MYO18B: variants seen among roughly 807,000 people sequenced by gnomAD.
MYO18B encodes the protein unconventional myosin-XVIIIb.
Under a neutral mutation model 273.0 loss-of-function variants are expected in MYO18B, and 204 were observed. The observed-to-expected ratio is 0.75, with a 90% CI of 0.67 to 0.84. The LOEUF is 0.84. Among genes scored for constraint, MYO18B ranks in the 40% least tolerant of loss-of-function variants. MYO18B has a pLI of 0.00. For synonymous variants in MYO18B, 1,330 were observed against 1,305.7 expected, an observed-to-expected ratio of 1.02 and a Z score of -0.40; for missense variants, 3,212 against 3,287.6, an observed-to-expected ratio of 0.98 and a Z score of 0.56.
chr22:25,777,619 A>G lies in MYO18B; in HGVS notation c.1906A>G (p.Ile636Val), dbSNP rs766483254. ...CCGCCGGGATGGCCTGCCTGCCCAC[A>G]TTGGCTCCATGGCACAGCGGGCATA... ...KGRRDGLPAH[I>V]GSMAQRAYWA... Residue 636 changes from isoleucine to valine, a missense_variant, in exon 8 of 44, where the codon ATT becomes GTT. Coordinates refer to ENST00000335473, the MANE Select transcript of MYO18B (RefSeq NM_032608.7). 8.7e-6 allele frequency: 14 copies of G among 1,606,580 alleles called. No individual in the cohort carries two copies. Among genetic ancestry groups the G allele is most frequent in the African/African-American group, 1.3e-5 (1 of 74,688 alleles).
chr22:25,911,140 C>T, intron 33 of MYO18B, 90 bp downstream of exon 33: 1 of 934,644 alleles, frequency 1.1e-6, no homozygotes, highest in African/African-American at 1.6e-5. Context: ...CTGAGGGATA[C>T]CCTCTCCTCC....
At chr22:26,003,401 T>G (rs889552455) in intron 41 of MYO18B, 92 bp downstream of exon 41, 7 of 1,121,916 alleles carry the variant, frequency 6.2e-6, no homozygotes, top group Admixed American at 5.9e-5. Context: ...CATGTCCACT[T>G]GGAGAATTAT....
chr22:25,981,576 C>A (rs1318584763), intron 39 of MYO18B, among the ~76,000 whole-genome samples: 1 of 152,050 alleles, frequency 6.6e-6, no homozygotes, highest in Non-Finnish European at 1.5e-5. Flanking sequence ...CCCATCTCTA[C>A]AAAAATAAAA....
In MYO18B at chr22:25,903,686, A is replaced by G; in HGVS notation, c.5003A>G (p.His1668Arg). ...LKQQVEMLQDHKRELLGSPSL... is the reference protein window; with the variant it reads ...LKQQVEMLQDRKRELLGSPSL... ...CAGCAGGTGGAGATGCTACAGGACC[A>G]TAAACGGGAGCTGCTGGGGTCACCC... Residue 1668 changes from histidine (H) to arginine (R), a missense_variant, in exon 31 of 44, where the codon CAT becomes CGT. Physicochemically the swap from His to Arg is conservative, Grantham distance 29 (BLOSUM62 0). Transcript: ENST00000335473. The G allele has an allele frequency of 1.2e-6, 2 of 1,610,134 alleles. No homozygotes were observed. The highest frequency in any genetic ancestry group is 1.7e-6 in the Non-Finnish European group (2 of 1,178,246).
At chr22:25,814,489 C>G (rs2088916955) in intron 12 of MYO18B, among the ~76,000 whole-genome samples, 1 of 151,796 alleles carries the variant, frequency 6.6e-6, no homozygotes, top group African/African-American at 2.4e-5. Flanking sequence ...TTGGCTACTT[C>G]AACAATCTCA....
At chr22:25,757,230 AT>A (rs2086151617) in intron 1 of MYO18B, among the ~76,000 whole-genome samples, 1 of 152,218 alleles carries the variant, frequency 6.6e-6, no homozygotes, top group South Asian at 2.1e-4. Flanking sequence ...ATAAAAATTC[AT>A]AGCAGTTTTA....
chr22:25,855,523 G>T (rs946551082), intron 21 of MYO18B, among the ~76,000 whole-genome samples: 4 of 152,026 alleles, frequency 2.6e-5, no homozygotes, highest in African/African-American at 9.7e-5. Context: ...CTCGTGATCC[G>T]CCCACCTCGG....
At chr22:26,022,876 A>G (rs542808850) in intron 42 of MYO18B, among the ~76,000 whole-genome samples, 1 of 152,322 alleles carries the variant, frequency 6.6e-6, no homozygotes, top group East Asian at 1.9e-4. Flanking sequence ...GCCCTGTGCC[A>G]GCATAGCTGG....
intron 29 of MYO18B, 194 bp downstream of exon 29, chr22:25,898,655 C>T: frequency 1.7e-6 from 1 of 598,342 alleles, no homozygotes; most frequent in Non-Finnish European, 2.8e-6. Context: ...ATTCTTTTCT[C>T]TTAGCCAGCC....
chr22:25,925,613 T>C (rs1247021754), intron 34 of MYO18B, among the ~76,000 whole-genome samples: 1 of 151,978 alleles, frequency 6.6e-6, no homozygotes, highest in African/African-American at 2.4e-5. Flanking sequence ...CTTCAGAAAC[T>C]TGAGCAGGTG....
At chr22:25,786,492 CA>C (rs35847281) in intron 11 of MYO18B, among the ~76,000 whole-genome samples, 3,148 of 142,218 alleles carry the variant, frequency 0.022, 95 homozygotes, top group African/African-American at 0.063. Context: ...TATCCTGGTG[CA>C]AAAAAAAAAA....
At chr22:25,945,030 G>A (rs1392052338) in intron 34 of MYO18B, among the ~76,000 whole-genome samples, 2 of 152,152 alleles carry the variant, frequency 1.3e-5, no homozygotes, top group Non-Finnish European at 2.9e-5. Context: ...GAGGCCTACT[G>A]TGTGCAGCTG....
Position 25,947,535 on chromosome 22 carries a change from CACACACA to C in MYO18B, c.5632-176_5632-170del, listed in dbSNP as rs1569223372. On this transcript the variant is annotated intron_variant, in intron 35 of 43. Coordinates refer to ENST00000335473, the MANE Select transcript of MYO18B (RefSeq NM_032608.7). ...ACACACACACACACACACACACACA[CACACACA>C]CCAAGCTGTTATACCTACCACATGC... 2.5e-3 allele frequency among the ~76,000 whole-genome samples: 359 copies of C among 144,500 alleles called. 1 individual carries two copies. The highest frequency in any genetic ancestry group is 8.8e-3 in the African/African-American group (318 of 35,968). The allele number at this position is 144,500 out of a possible 152,430, so 94.8% of individuals were successfully genotyped here.
rs928472372 is a variant in MYO18B, at chr22:25,947,781, G to T, written c.5701G>T (p.Asp1901Tyr). 2.5e-6 allele frequency: 4 copies of T among 1,613,908 alleles called. No individual in the cohort carries two copies. In the South Asian group the frequency reaches 4.4e-5, roughly 18 times the overall value. Residue 1901 changes from aspartate (D) to tyrosine (Y), a missense_variant, in exon 36 of 44, where the codon GAT becomes TAT. By Grantham distance (160) the Asp-to-Tyr change is radical. Coordinates refer to ENST00000335473, the MANE Select transcript of MYO18B (RefSeq NM_032608.7). The part of the protein sequence containing the change: ...DLLKRIDEDQ[D>Y]DLNELMQKHK... ...CCTGAAGCGCATCGATGAGGACCAG[G>T]ATGACCTGAATGAGCTGATGCAGAA...
Position 25,768,682 on chromosome 22 carries a change from G to T in MYO18B, c.766G>T (p.Ala256Ser). 1.3e-6 allele frequency: 2 copies of T among 1,558,668 alleles called. No individual in the cohort carries two copies. The highest frequency in any genetic ancestry group is 1.7e-6 in the Non-Finnish European group (2 of 1,155,584). The change falls in exon 4 of 44, where the codon GCT becomes TCT. Residue 256 changes from alanine (A) to serine (S), a missense_variant. Coordinates refer to ENST00000335473, the MANE Select transcript of MYO18B (RefSeq NM_032608.7). ...CCCCAAGACCACAGAGCTGAAAGAGGCTGAGCCCCAGGGCAAAGACAGGCA... is the reference window on the plus strand; with the variant it reads ...CCCCAAGACCACAGAGCTGAAAGAGTCTGAGCCCCAGGGCAAAGACAGGCA... ...GTPKTTELKEAEPQGKDRQGT... is the reference protein window; with the variant it reads ...GTPKTTELKESEPQGKDRQGT...
the MYO18B span, among the ~76,000 whole-genome samples, chr22:26,058,502 C>T: frequency 1.3e-5 from 2 of 152,224 alleles, no homozygotes; most frequent in Non-Finnish European, 2.9e-5. Flanking sequence ...TCAGGGACTG[C>T]AATAGTTTGA....
At chr22:25,982,739 A>G (rs1407112909) in intron 39 of MYO18B, among the ~76,000 whole-genome samples, 1 of 152,158 alleles carries the variant, frequency 6.6e-6, no homozygotes, top group Non-Finnish European at 1.5e-5. Flanking sequence ...TTTAGGGACT[A>G]CCTGGAGAAT....
chr22:25,924,058 C>T (rs530457497), intron 34 of MYO18B, among the ~76,000 whole-genome samples: 28 of 152,300 alleles, frequency 1.8e-4, no homozygotes, highest in African/African-American at 6.5e-4. Flanking sequence ...TTTGGCTTTT[C>T]GTTGCTGTTG....
chr22:26,058,515 G>A, the MYO18B span, among the ~76,000 whole-genome samples: 1 of 152,170 alleles, frequency 6.6e-6, no homozygotes. Flanking sequence ...TAGTTTGAAT[G>A]TTTGTCTCCT....
Sources: allele counts gnomAD v4.1 joint callset (sites outside exome capture counted in the v4.1 genomes callset), GRCh38; gene constraint gnomAD v4.1.1; transcripts MANE v1.5; gene names NCBI Gene and HGNC (gene_info 2026-07-23, HGNC 2026-07-21).